GREM2: variants seen among roughly 807,000 people sequenced by gnomAD.
The protein encoded by GREM2 is gremlin-2.
GREM2 carries 11 observed loss-of-function variants against 14.2 expected under a neutral mutation model. That is an observed-to-expected ratio of 0.78 (90% CI 0.49 to 1.28). GREM2 has a LOEUF of 1.28. GREM2 is among the 50% of genes most tolerant of loss of function. GREM2 has a pLI of 0.00. For missense variants in GREM2, 210 were observed against 218.5 expected, an observed-to-expected ratio of 0.96 and a Z score of 0.24; for synonymous variants, 98 against 97.6, an observed-to-expected ratio of 1.00 and a Z score of -0.02.
intron 1 of GREM2, among the ~76,000 whole-genome samples, chr1:240,572,849 C>A (rs903662628): frequency 6.6e-6 from 1 of 152,074 alleles, no homozygotes; most frequent in African/African-American, 2.4e-5. Flanking sequence ...GAGAGGGATG[C>A]TGAAAAGGGA....
chr1:240,524,378 T>A (rs945991503), intron 1 of GREM2, among the ~76,000 whole-genome samples: 1 of 152,272 alleles, frequency 6.6e-6, no homozygotes, highest in Non-Finnish European at 1.5e-5. Context: ...TGTAATTTTT[T>A]TAAATCTAGT....
intron 1 of GREM2, among the ~76,000 whole-genome samples, chr1:240,571,007 T>TC (rs1679250000): frequency 6.6e-6 from 1 of 152,176 alleles, no homozygotes; most frequent in African/African-American, 2.4e-5. Context: ...ACATAATATT[T>TC]CAACATTTGG....
chr1:240,494,165 A>G (rs1677347282), intron 1 of GREM2, among the ~76,000 whole-genome samples: 1 of 152,250 alleles, frequency 6.6e-6, no homozygotes, highest in African/African-American at 2.4e-5. Flanking sequence ...CTAAGAGTAC[A>G]TCTCATTTAC....
At chr1:240,556,350 A>G (rs953315655) in intron 1 of GREM2, among the ~76,000 whole-genome samples, 9 of 152,234 alleles carry the variant, frequency 5.9e-5, no homozygotes, top group African/African-American at 2.2e-4. Context: ...AGGCCTAATG[A>G]TACTGGCTTT....
intron 1 of GREM2, among the ~76,000 whole-genome samples, chr1:240,500,591 T>G (rs1339824190): frequency 6.6e-6 from 1 of 152,148 alleles, no homozygotes; most frequent in Non-Finnish European, 1.5e-5. Context: ...AAGCGTGAGC[T>G]GCCGTGCCCA....
intron 1 of GREM2, among the ~76,000 whole-genome samples, chr1:240,591,114 A>G (rs1216481110): frequency 1.3e-5 from 2 of 152,086 alleles, no homozygotes; most frequent in East Asian, 3.9e-4. Context: ...TCCTTAACTG[A>G]CATTTATTTC....
Position 240,522,128 on chromosome 1 carries a change from A to C in GREM2, c.-1-28652T>G, listed in dbSNP as rs887446887. Among the ~76,000 whole-genome samples the C allele has an allele frequency of 1.6e-3, 238 of 151,676 alleles. 1 individual carries two copies. The highest frequency in any genetic ancestry group is 5.5e-3 in the African/African-American group (229 of 41,326). The stretch of plus-strand genomic sequence containing the variant: ...GAGCAAAACCCTGTCTCCAAAAAAA[A>C]AAAAAAACAAAAACAAACAAACAAA... On this transcript the variant is annotated intron_variant, in intron 1 of 1. Transcript: ENST00000318160.
chr1:240,535,973 G>A (rs1246833018), intron 1 of GREM2, among the ~76,000 whole-genome samples: 1 of 152,086 alleles, frequency 6.6e-6, no homozygotes, highest in Non-Finnish European at 1.5e-5. Flanking sequence ...GATAAAGACT[G>A]AAGTGAGCCC....
chr1:240,513,432 G>A (rs867717132), intron 1 of GREM2, among the ~76,000 whole-genome samples: 19 of 151,994 alleles, frequency 1.3e-4, no homozygotes, highest in African/African-American at 4.6e-4. Context: ...CAAATTAGCT[G>A]GGCGTGGTGG....
intron 1 of GREM2, among the ~76,000 whole-genome samples, chr1:240,564,762 G>T (rs1679143319): frequency 6.6e-6 from 1 of 152,172 alleles, no homozygotes; most frequent in African/African-American, 2.4e-5. Flanking sequence ...AATATTGAAT[G>T]TCTTTCCATT....
At chr1:240,578,887 G>A (rs1679424449) in intron 1 of GREM2, among the ~76,000 whole-genome samples, 1 of 152,176 alleles carries the variant, frequency 6.6e-6, no homozygotes, top group Admixed American at 6.5e-5. Flanking sequence ...CTAGGGCCGA[G>A]ATTGGGAATC....
chr1:240,494,076 C>T (rs933620548), intron 1 of GREM2, among the ~76,000 whole-genome samples: 2 of 152,252 alleles, frequency 1.3e-5, no homozygotes, highest in Non-Finnish European at 1.5e-5. Context: ...GGAAGAGAGA[C>T]CTCAAGCCAG....
intron 1 of GREM2, among the ~76,000 whole-genome samples, chr1:240,573,161 T>C (rs1679291787): frequency 6.6e-6 from 1 of 151,708 alleles, no homozygotes; most frequent in Non-Finnish European, 1.5e-5. Context: ...AAAATCACGA[T>C]GAATAAAACA....
In GREM2 at chr1:240,493,113, G is replaced by T; in HGVS notation, c.363C>A (p.Ala121=). 6.2e-7 allele frequency: 1 copy of T among 1,614,190 alleles called. No individual in the cohort carries two copies. Among genetic ancestry groups the T allele is most frequent in the Non-Finnish European group, 8.5e-7 (1 of 1,180,016 alleles). The change falls in exon 2 of 2, where the codon GCC becomes GCA. Residue 121 remains alanine (A), a synonymous_variant. Transcript: ENST00000318160. ...KKEEESFQSC[A]FCKPQRVTSV... ...AGGTGACGCGCTGGGGCTTGCAGAA[G>T]GCGCAGGACTGGAAGGACTCCTCCT...
At chr1:240,513,000 C>T (rs535528943) in intron 1 of GREM2, among the ~76,000 whole-genome samples, 12 of 152,174 alleles carry the variant, frequency 7.9e-5, no homozygotes, top group African/African-American at 2.9e-4. Context: ...TCCTGTCTTT[C>T]CTAGAATTTA....
chr1:240,542,352 C>G lies in GREM2; in HGVS notation c.-1-48876G>C, dbSNP rs1572390400. On this transcript the variant is annotated intron_variant, in intron 1 of 1. Coordinates refer to ENST00000318160, the MANE Select transcript of GREM2 (RefSeq NM_022469.4). This position sits in a 1 kb window ranked among gnomAD's most constrained non-coding sequence, Gnocchi z 4.1. ...CGGTGGCTCACGGCTCACGTCTAATCCCAGTACTTTGGGAGGCCGAGGTGG... is the reference window on the plus strand; with the variant it reads ...CGGTGGCTCACGGCTCACGTCTAATGCCAGTACTTTGGGAGGCCGAGGTGG... 6.6e-6 allele frequency among the ~76,000 whole-genome samples: 1 copy of G among 151,712 alleles called. No homozygotes were observed. Among genetic ancestry groups the G allele is most frequent in the African/African-American group, 2.4e-5 (1 of 41,336 alleles).
At chr1:240,501,934 C>T (rs1242589866) in intron 1 of GREM2, among the ~76,000 whole-genome samples, 1 of 152,114 alleles carries the variant, frequency 6.6e-6, no homozygotes, top group African/African-American at 2.4e-5. Context: ...AATTTTACAG[C>T]CAGTGACATT....
Position 240,492,809 on chromosome 1 carries a change from C to T in GREM2, c.*160G>A. 2.9e-6 allele frequency: 2 copies of T among 692,582 alleles called. No individual in the cohort carries two copies. The highest frequency in any genetic ancestry group is 4.4e-5 in the Admixed American group (1 of 22,920). The allele number at this position is 692,582 out of a possible 1,614,324, so 42.9% of individuals were successfully genotyped here. A position where few individuals can be genotyped will look rare whatever the true frequency, so the allele number is the denominator to read the frequency against. The stretch of plus-strand genomic sequence containing the variant: ...CAGCAAAAGCTCCACTTGCGATCCA[C>T]GTCTGTGACAAGGACACCGTCAGCC... On this transcript the variant is annotated 3_prime_UTR_variant, in exon 2 of 2. Coordinates refer to ENST00000318160, the MANE Select transcript of GREM2 (RefSeq NM_022469.4).
In GREM2 at chr1:240,500,282, T is replaced by C. The variant is rs77652869; in HGVS notation, c.-1-6806A>G. Among the ~76,000 whole-genome samples the C allele has an allele frequency of 4.8e-3, 722 of 151,352 alleles. 7 individuals are homozygous for C. The highest frequency in any genetic ancestry group is 0.017 in the African/African-American group (682 of 41,084). On this transcript the variant is annotated intron_variant, in intron 1 of 1. Transcript: ENST00000318160. Reference sequence around the variant, plus strand: ...TGCTCATGTTCTGTGTATCAGAGTATGTTTGTGTGTGTGGATAATCTTTTT... The same window carrying C: ...TGCTCATGTTCTGTGTATCAGAGTACGTTTGTGTGTGTGGATAATCTTTTT...
Sources: gnomAD v4.1 joint callset for allele counts (sites outside exome capture counted in the v4.1 genomes callset) on GRCh38, gnomAD v4.1.1 for gene constraint, Gnocchi (gnomAD v3.1) non-coding constraint, MANE v1.5 for transcripts, NCBI Gene and HGNC (gene_info 2026-07-23, HGNC 2026-07-21) for gene names.